The following ACACB variants were observed in gnomAD, a reference collection of about 807,000 sequenced individuals.
ACACB encodes the protein acetyl-CoA carboxylase 2.
ACACB carries 209 observed loss-of-function variants against 278.8 expected under a neutral mutation model. The observed-to-expected ratio is 0.75, with a 90% confidence interval of 0.67 to 0.84. ACACB has a LOEUF of 0.84. Ranked by LOEUF, ACACB falls within the 40% of genes least tolerant of loss-of-function variation. ACACB has a pLI of 0.00. For missense variants in ACACB, 2,850 were observed against 3,269.0 expected (o/e 0.87, Z 3.13); for synonymous variants, 1,174 against 1,285.6 (o/e 0.91, Z 1.86).
chr12:109,133,564 T>C (rs1222748432), intron 1 of ACACB, among the ~76,000 whole-genome samples: 4 of 152,058 alleles, frequency 2.6e-5, no homozygotes, highest in Non-Finnish European at 5.9e-5. Flanking sequence ...ATAATTCAAG[T>C]ATTTTTTAAC....
At chr12:109,159,818 G>A (rs907893971) in intron 2 of ACACB, among the ~76,000 whole-genome samples, 2 of 151,938 alleles carry the variant, frequency 1.3e-5, no homozygotes, top group African/African-American at 2.4e-5. Flanking sequence ...GGCTGGGCGC[G>A]GTGGCTCACC....
intron 2 of ACACB, among the ~76,000 whole-genome samples, chr12:109,153,461 A>C (rs2043433022): frequency 1.3e-5 from 2 of 152,324 alleles, no homozygotes; most frequent in Non-Finnish European, 2.9e-5. Flanking sequence ...AGTTGGAGAA[A>C]AGACACACAA....
At chr12:109,191,354 C>T (rs563494709) in intron 13 of ACACB, 13 of 349,380 alleles carry the variant, frequency 3.7e-5, no homozygotes, top group South Asian at 3.1e-4. Context: ...GCTGAGATTA[C>T]AGGCGTCCTC....
intron 2 of ACACB, among the ~76,000 whole-genome samples, chr12:109,165,346 C>A (rs34277): frequency 0.47 from 71,976 of 151,822 alleles, 19,154 homozygotes; most frequent in Middle Eastern, 0.7. Flanking sequence ...CAGAACTGAT[C>A]AATTATTTAT....
intron 36 of ACACB, 154 bp from the exon 37 acceptor site, chr12:109,242,283 A>C: frequency 1.3e-6 from 1 of 748,728 alleles, no homozygotes. Context: ...GTGGTGAAGA[A>C]GGGAGTTTTA....
rs367885804 is a variant in ACACB at position 109,197,077 on chromosome 12, C to G, written c.2551C>G (p.Arg851Gly). Residue 851 changes from arginine to glycine, a missense_variant, in exon 17 of 53, where the codon CGG becomes GGG. By Grantham distance (125) the Arg-to-Gly change is moderately radical (BLOSUM62 -2). Transcript: ENST00000338432. ...NGCHIEIDAHRLNDGGLLLSY... is the reference protein window; with the variant it reads ...NGCHIEIDAHGLNDGGLLLSY... ...CTGCCACATCGAGATTGATGCCCAC[C>G]GGCTGAATGATGGGGGGCTCCTGCT... 9.4e-6 allele frequency: 15 copies of G among 1,595,740 alleles called. No homozygotes were observed. The highest frequency in any genetic ancestry group is 1.3e-5 in the Non-Finnish European group (15 of 1,173,024).
At chr12:109,245,591 C>T in intron 37 of ACACB, 35 bp from the exon 38 acceptor site, 3 of 1,606,402 alleles carry the variant, frequency 1.9e-6, no homozygotes, top group Non-Finnish European at 2.5e-6. Context: ...CTACTGATGA[C>T]TTCAAGTTTT....
At chr12:109,210,458 T>C (rs544663277) in intron 21 of ACACB, among the ~76,000 whole-genome samples, 1,748 of 129,016 alleles carry the variant, frequency 0.014, 102 homozygotes, top group African/African-American at 0.061. Flanking sequence ...TATATATGTA[T>C]ATATACGCAC....
chr12:109,223,921 C>A lies in ACACB; in HGVS notation c.3882+17C>A, dbSNP rs747573379. 2 of 1,604,900 alleles carry A rather than the reference C, an allele frequency of 1.2e-6. No individual in the cohort carries two copies. The highest frequency in any genetic ancestry group is 2.2e-5 in the East Asian group (1 of 44,830). ...TCCTTGGAGGTAAGCAGGAGAGGCC[C>A]AGAGAACAGCACTGACCATGCCAGT... is the stretch of plus-strand genomic sequence containing the variant. On this transcript the variant is annotated intron_variant, in intron 27 of 52. Transcript: ENST00000338432.
chr12:109,218,677 G>A (rs762027275), intron 24 of ACACB, among the ~76,000 whole-genome samples: 61 of 135,462 alleles, frequency 4.5e-4, no homozygotes, highest in Non-Finnish European at 7.8e-4. Context: ...TTTTTGAGAT[G>A]GAGTCTTGCT....
chr12:109,165,210 G>C (rs1379078890), intron 2 of ACACB, among the ~76,000 whole-genome samples: 1 of 152,114 alleles, frequency 6.6e-6, no homozygotes, highest in Non-Finnish European at 1.5e-5. Flanking sequence ...GAAAGGCAAA[G>C]GGAATTCTAG....
intron 2 of ACACB, among the ~76,000 whole-genome samples, chr12:109,151,197 C>A (rs1295959868): frequency 6.6e-6 from 1 of 152,054 alleles, no homozygotes; most frequent in Non-Finnish European, 1.5e-5. Context: ...GTTGTCCAGG[C>A]TGGTCTTGAA....
intron 1 of ACACB, among the ~76,000 whole-genome samples, chr12:109,133,240 T>TTC (rs55987918): frequency 0.039 from 5,835 of 148,402 alleles, 147 homozygotes; most frequent in Non-Finnish European, 0.049. Context: ...GCACTTCTCT[T>TTC]TCTCTCTCTC....
chr12:109,172,460 T>C, intron 6 of ACACB, 104 bp downstream of exon 6: 1 of 1,053,564 alleles, frequency 9.5e-7, no homozygotes, highest in Middle Eastern at 2.2e-4. Context: ...GGAGGTCCGT[T>C]TGATTTCCCA....
chr12:109,261,836 A>G (rs2047385438), intron 48 of ACACB, among the ~76,000 whole-genome samples: 1 of 149,266 alleles, frequency 6.7e-6, no homozygotes, highest in Non-Finnish European at 1.5e-5. Flanking sequence ...GTGCCACTGC[A>G]CTCCAGCCTG....
At chr12:109,222,776 C>G (rs1336326800) in intron 25 of ACACB, 23 bp from the exon 26 acceptor site, 1 of 1,595,864 alleles carries the variant, frequency 6.3e-7, no homozygotes, top group Non-Finnish European at 8.6e-7. Context: ...CTCACGCCAG[C>G]GCCCCCATCC....
rs2044735531 is a variant in ACACB, at chr12:109,188,206, CTT to C, written c.2144+45_2144+46del. The C allele has an allele frequency of 5.2e-6, 7 of 1,346,482 alleles. No individual in the cohort carries two copies. The East Asian group carries it at 9.7e-5, about 19-fold the overall frequency. The allele number at this position is 1,346,482 out of a possible 1,614,324, so 83.4% of individuals were successfully genotyped here. On this transcript the variant is annotated intron_variant, in intron 13 of 52. Transcript: ENST00000338432. The stretch of plus-strand genomic sequence containing the variant: ...CCTTCCTTCCTTCCTTCCTTCCTTC[CTT>C]CCTTCCTTCCTTCCTTCCTTCCTTC...
Position 109,172,257 on chromosome 12 carries a change from C to A in ACACB, c.1036-18C>A, listed in dbSNP as rs372098868. The A allele has an allele frequency of 1.9e-6, 3 of 1,611,624 alleles. No homozygotes were observed. On this transcript the variant is annotated intron_variant, in intron 5 of 52. Coordinates refer to ENST00000338432, the MANE Select transcript of ACACB (RefSeq NM_001093.4). ...TTCTTGAAGGAAGATTGTTGCTCAC[C>A]CCTTTCTGTGTTTGCAGGCGGTGTG...
intron 2 of ACACB, among the ~76,000 whole-genome samples, chr12:109,150,069 G>C (rs1039825586): frequency 3.3e-5 from 5 of 152,154 alleles, no homozygotes; most frequent in Non-Finnish European, 7.3e-5. Flanking sequence ...TTGAGTTGCT[G>C]TAAGTACAGC....
Sources: gnomAD v4.1 joint callset for allele counts (sites outside exome capture counted in the v4.1 genomes callset) on GRCh38, gnomAD v4.1.1 for gene constraint, MANE v1.5 for transcripts, NCBI Gene and HGNC (gene_info 2026-07-23, HGNC 2026-07-21) for gene names.